The following SV2C variants were observed in gnomAD, a reference collection of about 807,000 sequenced individuals.
SV2C encodes synaptic vesicle glycoprotein 2C, also known as solute carrier family 22 member B3.
A neutral mutation model predicts 79.7 loss-of-function variants in SV2C; 49 were observed. The ratio of observed to expected loss-of-function variants is 0.61; its 90% CI spans 0.49 to 0.78. The LOEUF is 0.78. Ranked by LOEUF, SV2C falls within the 30% of genes least tolerant of loss-of-function variation. The probability of loss-of-function intolerance (pLI) is 0.00; values close to 1 mark genes in which losing one functional copy is unlikely to be tolerated. For synonymous variants in SV2C, 334 were observed against 333.2 expected (o/e 1.00, Z -0.03); for missense variants, 833 against 912.9 (o/e 0.91, Z 1.13).
intron 12 of SV2C, among the ~76,000 whole-genome samples, chr5:76,340,602 G>A (rs537586658): frequency 6.6e-6 from 1 of 152,240 alleles, no homozygotes; most frequent in African/African-American, 2.4e-5. Context: ...AACTCAAACT[G>A]AAGATATCCC....
chr5:75,931,336 A>T, the SV2C span, among the ~76,000 whole-genome samples: 3 of 152,172 alleles, frequency 2.0e-5, no homozygotes, highest in Non-Finnish European at 4.4e-5. Flanking sequence ...CAAATCTTCT[A>T]TGTGGTCATA....
chr5:76,235,225 C>T (rs1026783704), intron 4 of SV2C, among the ~76,000 whole-genome samples: 24 of 145,896 alleles, frequency 1.6e-4, no homozygotes, highest in Non-Finnish European at 2.8e-4. Flanking sequence ...AGACATTTAA[C>T]GATATTTTTG....
intron 12 of SV2C, among the ~76,000 whole-genome samples, chr5:76,301,908 C>CAAAAAAAAAAAAAAAAAAAA (rs11436839): frequency 2.4e-5 from 1 of 41,410 alleles, no homozygotes; most frequent in Non-Finnish European, 4.5e-5. Flanking sequence ...GACACCATCT[C>CAAAAAAAAAAAAAAAAAAAA]AAAAAAAAAA....
At chr5:75,885,709 C>T in the SV2C span, among the ~76,000 whole-genome samples, 1 of 152,236 alleles carries the variant, frequency 6.6e-6, no homozygotes, top group Middle Eastern at 3.4e-3. Context: ...GCCACCATGT[C>T]AGCTAACATT....
chr5:75,897,425 A>G, the SV2C span, among the ~76,000 whole-genome samples: 1 of 151,446 alleles, frequency 6.6e-6, no homozygotes, highest in Non-Finnish European at 1.5e-5. Context: ...CCATTGATCT[A>G]TATCTCTGTT....
intron 4 of SV2C, chr5:76,242,503 A>G (rs1745820482): frequency 2.2e-6 from 1 of 457,752 alleles, no homozygotes; most frequent in African/African-American, 2.0e-5. Flanking sequence ...TGCACTTTTA[A>G]TAAGGAACCC....
At chr5:75,999,052 T>C in the SV2C span, among the ~76,000 whole-genome samples, 4 of 152,054 alleles carry the variant, frequency 2.6e-5, no homozygotes, top group South Asian at 8.3e-4. Context: ...ACATGGTTAG[T>C]GGCAGGCAAA....
intron 12 of SV2C, among the ~76,000 whole-genome samples, chr5:76,348,898 G>A (rs1316845405): frequency 1.3e-5 from 2 of 152,162 alleles, no homozygotes; most frequent in African/African-American, 2.4e-5. Flanking sequence ...TACTTGGGAG[G>A]CTGAGGCAGA....
chr5:76,195,180 A>G lies in SV2C; in HGVS notation c.761+81A>G, dbSNP rs967226999. On this transcript the variant is annotated intron_variant, in intron 3 of 12. Transcript: ENST00000502798. ...ACTCTAGAGAACCTTATTGGGAGGA[A>G]ATTATCCCTTCACACATCTCCTTCC... 19 of 1,426,730 alleles carry G rather than the reference A, an allele frequency of 1.3e-5. 1 individual carries two copies. In the South Asian group the frequency reaches 2.4e-4, roughly 18 times the overall value. The allele number at this position is 1,426,730 out of a possible 1,614,324, so 88.4% of individuals were successfully genotyped here.
chr5:75,954,634 T>C, the SV2C span, among the ~76,000 whole-genome samples: 12 of 149,842 alleles, frequency 8.0e-5, no homozygotes, highest in Non-Finnish European at 1.0e-4. Flanking sequence ...TGATTGTATA[T>C]CTAGAAAACC....
At chr5:76,222,776 A>G (rs1360479902) in intron 4 of SV2C, among the ~76,000 whole-genome samples, 1 of 152,214 alleles carries the variant, frequency 6.6e-6, no homozygotes, top group Non-Finnish European at 1.5e-5. Context: ...TCAAGAGGGC[A>G]GTCTTACATA....
chr5:76,096,340 G>C (rs1454334323), intron 1 of SV2C, among the ~76,000 whole-genome samples: 1 of 151,996 alleles, frequency 6.6e-6, no homozygotes, highest in Non-Finnish European at 1.5e-5. Context: ...TGAGAAAAAA[G>C]GAAAACTGTC....
intron 4 of SV2C, among the ~76,000 whole-genome samples, chr5:76,239,494 C>T (rs80173929): frequency 0.048 from 7,241 of 152,236 alleles, 261 homozygotes; most frequent in Middle Eastern, 0.095. Context: ...TTGTCTCTGC[C>T]GCATGATACC....
intron 5 of SV2C, 69 bp from the exon 6 acceptor site, chr5:76,285,712 G>A (rs1185433155): frequency 6.1e-6 from 8 of 1,310,184 alleles, no homozygotes; most frequent in African/African-American, 2.9e-5. Flanking sequence ...AATGCAAGAC[G>A]GCTATTGGAA....
At chr5:76,090,526 A>G (rs1747339896) in intron 1 of SV2C, among the ~76,000 whole-genome samples, 1 of 152,126 alleles carries the variant, frequency 6.6e-6, no homozygotes, top group Non-Finnish European at 1.5e-5. Flanking sequence ...GTCTTCACCT[A>G]ATTACAATCA....
chr5:76,155,187 G>A (rs1262395009), intron 2 of SV2C, among the ~76,000 whole-genome samples: 1 of 152,198 alleles, frequency 6.6e-6, no homozygotes, highest in Non-Finnish European at 1.5e-5. Flanking sequence ...AAAAAGAAAG[G>A]CAGTTGCTTA....
chr5:75,915,095 A>T, the SV2C span, among the ~76,000 whole-genome samples: 1 of 152,200 alleles, frequency 6.6e-6, no homozygotes. Context: ...ATTACCTCCC[A>T]CCAAGTTCCT....
chr5:76,106,628 C>T (rs1486266404), intron 1 of SV2C, among the ~76,000 whole-genome samples: 1 of 152,130 alleles, frequency 6.6e-6, no homozygotes, highest in African/African-American at 2.4e-5. Context: ...CAAGCATGCC[C>T]CTGACTCAGG....
intron 4 of SV2C, among the ~76,000 whole-genome samples, chr5:76,266,770 A>G (rs1179637588): frequency 1.3e-5 from 2 of 149,186 alleles, no homozygotes; most frequent in African/African-American, 2.5e-5. Context: ...AATGTACTTA[A>G]TGCCACAGAA....
Sources: gnomAD v4.1 joint callset for allele counts (sites outside exome capture counted in the v4.1 genomes callset) on GRCh38, gnomAD v4.1.1 for gene constraint, MANE v1.5 for transcripts, NCBI Gene and HGNC (gene_info 2026-07-23, HGNC 2026-07-21) for gene names.